The following TIMP2 variants were observed in gnomAD, a reference collection of about 807,000 sequenced individuals.
TIMP2 encodes TIMP metallopeptidase inhibitor 2.
In TIMP2, 5 loss-of-function variants were observed where a neutral mutation model predicts 24.3. The ratio of observed to expected loss-of-function variants is 0.21; its 90% CI spans 0.11 to 0.43. TIMP2 has a LOEUF of 0.43. Among genes scored for constraint, TIMP2 ranks in the 20% least tolerant of loss-of-function variants. The pLI, the probability that TIMP2 is intolerant of heterozygous loss-of-function variation, is 1.00. For missense variants in TIMP2, 221 were observed against 297.5 expected, an observed-to-expected ratio of 0.74 and a Z score of 1.89; for synonymous variants, 130 against 123.2, an observed-to-expected ratio of 1.06 and a Z score of -0.37.
chr17:78,877,623 G>A (rs935844005), intron 1 of TIMP2, among the ~76,000 whole-genome samples: 5 of 152,030 alleles, frequency 3.3e-5, no homozygotes, highest in Non-Finnish European at 7.4e-5. Flanking sequence ...TCCAGTAGGA[G>A]CAGCAAGCCG....
chr17:78,881,521 T>C (rs867332324), intron 1 of TIMP2, among the ~76,000 whole-genome samples: 1 of 152,356 alleles, frequency 6.6e-6, no homozygotes, highest in Middle Eastern at 3.4e-3. Flanking sequence ...GGGCCAGCCC[T>C]GGAGGACTCC....
chr17:78,921,020 G>A (rs1313724268), intron 1 of TIMP2, among the ~76,000 whole-genome samples: 1 of 152,170 alleles, frequency 6.6e-6, no homozygotes, highest in African/African-American at 2.4e-5. Flanking sequence ...CACATACTTC[G>A]CACAACGAGT....
chr17:78,864,443 A>G (rs1037535001), intron 3 of TIMP2, among the ~76,000 whole-genome samples: 1 of 136,750 alleles, frequency 7.3e-6, no homozygotes, highest in South Asian at 2.2e-4. Flanking sequence ...GGGTCTTGCT[A>G]TATCGTCCAG....
chr17:78,862,853 G>A (rs1429679073), intron 3 of TIMP2, among the ~76,000 whole-genome samples: 3 of 152,184 alleles, frequency 2.0e-5, no homozygotes, highest in Admixed American at 6.5e-5. Context: ...TAGGATAATG[G>A]TTTCCAGCTG....
intron 4 of TIMP2, chr17:78,857,279 C>T (rs1024307215): frequency 1.6e-5 from 8 of 511,898 alleles, no homozygotes; most frequent in Middle Eastern, 5.3e-4. Context: ...TGAGCCGCAG[C>T]GCCCGGCCTC....
intron 1 of TIMP2, among the ~76,000 whole-genome samples, chr17:78,919,330 C>A (rs980988878): frequency 1.3e-5 from 2 of 152,174 alleles, no homozygotes; most frequent in Admixed American, 1.3e-4. Flanking sequence ...CCTTGTGGGT[C>A]CCCCTGAATC....
At chr17:78,878,043 T>C (rs2069744259) in intron 1 of TIMP2, among the ~76,000 whole-genome samples, 1 of 152,116 alleles carries the variant, frequency 6.6e-6, no homozygotes, top group South Asian at 2.1e-4. Context: ...AGCCGCACAA[T>C]GCTTAACGCA....
intron 1 of TIMP2, among the ~76,000 whole-genome samples, chr17:78,892,759 C>G (rs1038868065): frequency 6.6e-6 from 1 of 152,076 alleles, no homozygotes; most frequent in Non-Finnish European, 1.5e-5. Context: ...GGAGGTGCTC[C>G]GGGCCTGCAG....
chr17:78,857,898 C>G (rs1338530204), intron 3 of TIMP2, among the ~76,000 whole-genome samples: 1 of 151,476 alleles, frequency 6.6e-6, no homozygotes, highest in South Asian at 2.1e-4. Flanking sequence ...GATGAAACCC[C>G]CTCTCTACTA....
intron 1 of TIMP2, among the ~76,000 whole-genome samples, chr17:78,881,971 C>CT (rs869119686): frequency 0.06 from 500 of 8,378 alleles, 4 homozygotes; most frequent in African/African-American, 0.18. Flanking sequence ...TCCATATCCT[C>CT]TTTTTTTTTT....
chr17:78,918,341 C>T (rs564099645), intron 1 of TIMP2, among the ~76,000 whole-genome samples: 9 of 152,292 alleles, frequency 5.9e-5, no homozygotes, highest in Admixed American at 3.3e-4. Flanking sequence ...TGGGAATCAT[C>T]GGGGCGGGGT....
chr17:78,918,386 G>A (rs757529928), intron 1 of TIMP2, among the ~76,000 whole-genome samples: 3 of 152,212 alleles, frequency 2.0e-5, no homozygotes, highest in African/African-American at 4.8e-5. Flanking sequence ...GCACAGCCAC[G>A]TCCCAGCAAA....
chr17:78,883,929 CCGGCT>C (rs1308250576), intron 1 of TIMP2, among the ~76,000 whole-genome samples: 2 of 152,242 alleles, frequency 1.3e-5, no homozygotes, highest in Non-Finnish European at 2.9e-5. Context: ...GCCAGAGCCT[CCGGCT>C]CGGCCCTTCC....
At chr17:78,923,386 T>TGGGGCGGGGTGGGGGGGG (rs2070322615) in intron 1 of TIMP2, among the ~76,000 whole-genome samples, 1 of 7,860 alleles carries the variant, frequency 1.3e-4, no homozygotes, top group Non-Finnish European at 1.9e-3. Flanking sequence ...AGTGTGTGTG[T>TGGGGCGGGGTGGGGGGGG]GGGGCGGGGT....
intron 1 of TIMP2, among the ~76,000 whole-genome samples, chr17:78,915,222 G>A (rs892291963): frequency 1.3e-5 from 2 of 152,096 alleles, no homozygotes; most frequent in Non-Finnish European, 2.9e-5. Flanking sequence ...AAAGTACTGT[G>A]CTCTGAACAT....
intron 1 of TIMP2, among the ~76,000 whole-genome samples, chr17:78,900,811 C>T (rs1406362084): frequency 6.6e-6 from 1 of 152,182 alleles, no homozygotes; most frequent in African/African-American, 2.4e-5. Flanking sequence ...ATGTGGGTCC[C>T]TAAATCCAAC....
intron 1 of TIMP2, among the ~76,000 whole-genome samples, chr17:78,909,282 G>A (rs931913692): frequency 6.4e-4 from 97 of 152,130 alleles, no homozygotes; most frequent in African/African-American, 2.3e-3. Context: ...TTGAGCCCAG[G>A]TGGTTAAAGC....
chr17:78,890,700 A>G, intron 1 of TIMP2: 5 of 1,550,528 alleles, frequency 3.2e-6, no homozygotes, highest in Non-Finnish European at 4.4e-6. Context: ...TGCTTGTGCA[A>G]CCTGTTTTGC....
At chr17:78,866,164 C>T (rs977914641) in intron 3 of TIMP2, among the ~76,000 whole-genome samples, 4 of 152,196 alleles carry the variant, frequency 2.6e-5, no homozygotes, top group East Asian at 3.9e-4. Flanking sequence ...GGAGACACAG[C>T]AGATGCTGAC....
Sources: gnomAD v4.1 joint callset for allele counts (sites outside exome capture counted in the v4.1 genomes callset) on GRCh38, gnomAD v4.1.1 for gene constraint, MANE v1.5 for transcripts, NCBI Gene and HGNC (gene_info 2026-07-23, HGNC 2026-07-21) for gene names.